The following PRKAR2B variants were observed in gnomAD, a reference collection of about 807,000 sequenced individuals.
PRKAR2B encodes protein kinase cAMP-dependent type II regulatory subunit beta, also known as cAMP-dependent protein kinase type II-beta regulatory subunit.
Under a neutral mutation model 49.9 loss-of-function variants are expected in PRKAR2B, and 14 were observed. The ratio of observed to expected loss-of-function variants is 0.28; its 90% confidence interval spans 0.19 to 0.44. The LOEUF (loss-of-function observed/expected upper bound fraction) is 0.44, where lower values mean the gene tolerates loss of function less well. PRKAR2B is among the 20% of genes least tolerant of loss of function. The pLI is 1.00. For synonymous variants in PRKAR2B, 196 were observed against 197.7 expected (o/e 0.99, Z 0.07); for missense variants, 393 against 537.9 (o/e 0.73, Z 2.67).
intron 2 of PRKAR2B, among the ~76,000 whole-genome samples, chr7:107,121,563 T>C (rs1485010219): frequency 6.6e-6 from 1 of 152,148 alleles, no homozygotes; most frequent in Non-Finnish European, 1.5e-5. Flanking sequence ...ATATTTAGAT[T>C]ATGGATAATT....
Position 107,101,830 on chromosome 7 carries a change from T to G in PRKAR2B, c.344-20122T>G, listed in dbSNP as rs182413019. On this transcript the variant is annotated intron_variant, in intron 2 of 10. Transcript: ENST00000265717. The stretch of plus-strand genomic sequence containing the variant: ...TCAGTAGCTATTTTTATGAATAAAT[T>G]CTTAATTTGTTGTATGCCTTTGGTT... Among the ~76,000 whole-genome samples the G allele has an allele frequency of 4.0e-4, 61 of 151,248 alleles. No individual in the cohort carries two copies. In the East Asian group the frequency reaches 9.3e-3, roughly 23 times the overall value.
rs1795974352 is a variant in PRKAR2B at position 107,150,936 on chromosome 7, C to T, written c.756C>T (p.Phe252=). Residue 252 remains phenylalanine, a synonymous_variant, in exon 7 of 11, where the codon TTC becomes TTT. Coordinates refer to ENST00000265717, the MANE Select transcript of PRKAR2B (RefSeq NM_002736.3). ...GALWGLDRVT[F]RRIIVKNNAK... is the part of the protein sequence containing the mutation. Reference sequence around the variant, plus strand: ...TCTGCCTGTAGGACAGGGTAACCTTCAGGAGAATAATTGTGAAAAACAATG... The same window carrying T: ...TCTGCCTGTAGGACAGGGTAACCTTTAGGAGAATAATTGTGAAAAACAATG... 1.0e-5 allele frequency: 16 copies of T among 1,596,008 alleles called. No homozygotes were observed. Among genetic ancestry groups the T allele is most frequent in the Non-Finnish European group, 1.4e-5 (16 of 1,171,008 alleles).
chr7:107,115,993 G>A (rs543742516), intron 2 of PRKAR2B, among the ~76,000 whole-genome samples: 1 of 152,272 alleles, frequency 6.6e-6, no homozygotes, highest in African/African-American at 2.4e-5. Context: ...TCCTGAGGTG[G>A]ACATATTATG....
chr7:107,135,165 T>C (rs905326818), intron 4 of PRKAR2B, among the ~76,000 whole-genome samples: 1 of 151,990 alleles, frequency 6.6e-6, no homozygotes. Flanking sequence ...GCAAAGTGCT[T>C]GAATATACAA....
chr7:107,047,816 A>G (rs1252946357), intron 1 of PRKAR2B, among the ~76,000 whole-genome samples: 1 of 152,162 alleles, frequency 6.6e-6, no homozygotes, highest in African/African-American at 2.4e-5. Flanking sequence ...CCATTTTTGG[A>G]GAGCTTTTTT....
chr7:107,151,077 C>A (rs1457071899), intron 7 of PRKAR2B, 54 bp downstream of exon 7: 1 of 1,074,956 alleles, frequency 9.3e-7, no homozygotes, highest in Non-Finnish European at 1.3e-6. Flanking sequence ...TTCTGTTTTG[C>A]TAGGAATATT....
At position 107,045,231 on chromosome 7, in the gene PRKAR2B, C is replaced by T; in HGVS notation, c.307+17C>T. 7.1e-7 allele frequency: 1 copy of T among 1,404,446 alleles called. No individual in the cohort carries two copies. The highest frequency in any genetic ancestry group is 1.5e-5 in the South Asian group (1 of 65,148). 87.0% of individuals were successfully genotyped at this position (1,404,446 alleles called of 1,614,324 possible). On this transcript the variant is annotated intron_variant, in intron 1 of 10. Coordinates refer to ENST00000265717, the MANE Select transcript of PRKAR2B (RefSeq NM_002736.3). ...CGTTCAATGGTGAGGACCAGACCCCCCACTTCGCGCCCCCGGATCCCCTCG... is the reference window on the plus strand; with the variant it reads ...CGTTCAATGGTGAGGACCAGACCCCTCACTTCGCGCCCCCGGATCCCCTCG...
chr7:107,103,781 T>C (rs1795019924), intron 2 of PRKAR2B, among the ~76,000 whole-genome samples: 1 of 152,232 alleles, frequency 6.6e-6, no homozygotes, highest in African/African-American at 2.4e-5. Context: ...TTTAAAGAAG[T>C]AAGCCAGTGG....
At chr7:107,138,303 A>T (rs923731289) in intron 4 of PRKAR2B, among the ~76,000 whole-genome samples, 1 of 152,188 alleles carries the variant, frequency 6.6e-6, no homozygotes, top group South Asian at 2.1e-4. Context: ...CCAGTGGAGG[A>T]TGTTTATCTT....
At chr7:107,134,853 A>G (rs1795666246) in intron 4 of PRKAR2B, among the ~76,000 whole-genome samples, 1 of 152,218 alleles carries the variant, frequency 6.6e-6, no homozygotes, top group Non-Finnish European at 1.5e-5. Context: ...TCAAAAGCCA[A>G]AGATATAAGA....
At position 107,045,100 on chromosome 7, in the gene PRKAR2B, G is replaced by T; in HGVS notation, c.193G>T (p.Ala65Ser). The change falls in exon 1 of 11, where the codon GCC (alanine) becomes TCC (serine). Residue 65 changes from alanine (A) to serine (S), a missense_variant. This residue lies in a region of PRKAR2B where 160 missense variants were observed against 147.6 expected (regional missense o/e 1.08). Coordinates refer to ENST00000265717, the MANE Select transcript of PRKAR2B (RefSeq NM_002736.3). The stretch of plus-strand genomic sequence containing the variant: ...GACCTGGGGGGACCTGGGCGCCGCT[G>T]CCGGGGGCGGCACCCCCAGCAAGGG... Reference protein sequence around the residue: ...GRTWGDLGAAAGGGTPSKGVN... With the variant: ...GRTWGDLGAASGGGTPSKGVN... The T allele has an allele frequency of 6.5e-7, 1 of 1,528,540 alleles. No homozygotes were observed. The highest frequency in any genetic ancestry group is 2.5e-5 in the East Asian group (1 of 40,624). The allele number at this position is 1,528,540 out of a possible 1,614,324, so 94.7% of individuals were successfully genotyped here.
At chr7:107,121,015 CTATT>C (rs748894263) in intron 2 of PRKAR2B, among the ~76,000 whole-genome samples, 56 of 149,826 alleles carry the variant, frequency 3.7e-4, no homozygotes, top group African/African-American at 1.0e-3. Context: ...TAAATTCAAA[CTATT>C]TAATAATTTT....
At position 107,108,584 on chromosome 7, in the gene PRKAR2B, G is replaced by A. The variant is rs149844234; in HGVS notation, c.344-13368G>A. On this transcript the variant is annotated intron_variant, in intron 2 of 10. Transcript: ENST00000265717. ...CAGAGGGGAGACTCACCTGTCCTTC[G>A]AAGCCATATGGTGTTGATTGGTCTT... 2.6e-5 allele frequency among the ~76,000 whole-genome samples: 4 copies of A among 152,278 alleles called. No homozygotes were observed. The East Asian group carries it at 5.8e-4, about 22-fold the overall frequency.
intron 1 of PRKAR2B, among the ~76,000 whole-genome samples, chr7:107,056,826 C>T (rs776587519): frequency 6.6e-6 from 1 of 152,142 alleles, no homozygotes; most frequent in African/African-American, 2.4e-5. Flanking sequence ...TCAGTTCAGT[C>T]TCATAGATTT....
intron 2 of PRKAR2B, among the ~76,000 whole-genome samples, chr7:107,118,923 G>A (rs1395243655): frequency 6.6e-6 from 1 of 152,166 alleles, no homozygotes; most frequent in African/African-American, 2.4e-5. Context: ...TGAAACAATT[G>A]CAACAGGAAT....
In PRKAR2B at chr7:107,119,773, T is replaced by C. The variant is rs190394838; in HGVS notation, c.344-2179T>C. 4.3e-3 allele frequency among the ~76,000 whole-genome samples: 652 copies of C among 152,312 alleles called. 16 individuals carry two copies. The highest frequency in any genetic ancestry group is 4.6e-4 in the Non-Finnish European group (31 of 68,032). ...TCCAGCAGGGAGAGATCTAGCTAGT[T>C]GTGCTGGTCCCATCCTTCATTCAGG... On this transcript the variant is annotated intron_variant, in intron 2 of 10. Transcript: ENST00000265717.
chr7:107,119,462 G>C (rs1409029291), intron 2 of PRKAR2B, among the ~76,000 whole-genome samples: 1 of 152,114 alleles, frequency 6.6e-6, no homozygotes, highest in Non-Finnish European at 1.5e-5. Context: ...TTTTTGCACT[G>C]GGCCATACAA....
intron 3 of PRKAR2B, among the ~76,000 whole-genome samples, chr7:107,127,099 TG>T (rs1297285496): frequency 6.6e-6 from 1 of 152,262 alleles, no homozygotes; most frequent in African/African-American, 2.4e-5. Flanking sequence ...TTTAGCCATC[TG>T]ATGTGGTTTG....
At chr7:107,073,899 A>G (rs1418239822) in intron 2 of PRKAR2B, among the ~76,000 whole-genome samples, 2 of 151,678 alleles carry the variant, frequency 1.3e-5, no homozygotes, top group Non-Finnish European at 2.9e-5. Context: ...CTTCTCTACC[A>G]AAAAATACAA....
Sources: allele counts gnomAD v4.1 joint callset (sites outside exome capture counted in the v4.1 genomes callset), GRCh38; gene constraint gnomAD v4.1.1; regional missense constraint gnomAD v4.1.1; transcripts MANE v1.5; gene names NCBI Gene and HGNC (gene_info 2026-07-23, HGNC 2026-07-21).